The following SGCE variants were observed in gnomAD, a reference collection of about 807,000 sequenced individuals.
SGCE encodes the protein sarcoglycan epsilon, also known as epsilon-sarcoglycan.
A neutral mutation model predicts 57.8 loss-of-function variants in SGCE; 26 were observed. The observed-to-expected ratio is 0.45, with a 90% confidence interval of 0.33 to 0.62. The LOEUF (loss-of-function observed/expected upper bound fraction) is 0.62. Among genes scored for constraint, SGCE ranks in the 20% least tolerant of loss-of-function variants. The probability of loss-of-function intolerance (pLI) is 0.02; values close to 1 mark genes in which losing one functional copy is unlikely to be tolerated. For synonymous variants in SGCE, 183 were observed against 189.5 expected, an observed-to-expected ratio of 0.97 and a Z score of 0.28; for missense variants, 468 against 548.6, an observed-to-expected ratio of 0.85 and a Z score of 1.47.
chr7:94,605,220 T>C (rs1799932707), intron 5 of SGCE, among the ~76,000 whole-genome samples: 1 of 152,072 alleles, frequency 6.6e-6, no homozygotes, highest in African/African-American at 2.4e-5. Context: ...TTAAAACAAC[T>C]ATGACTAATA....
intron 9 of SGCE, chr7:94,589,475 A>T (rs1372323571): frequency 6.6e-6 from 1 of 152,420 alleles, no homozygotes; most frequent in Admixed American, 6.5e-5. Flanking sequence ...CATTGCTGTC[A>T]GAATAATCTT....
At chr7:94,585,711 TCTC>T (rs1796800961) in intron 10 of SGCE, among the ~76,000 whole-genome samples, 196 bp from the exon 11 acceptor site, 1 of 152,122 alleles carries the variant, frequency 6.6e-6, no homozygotes, top group Non-Finnish European at 1.5e-5. Flanking sequence ...AAATTAGTCT[TCTC>T]CTTCTTGGAC....
Position 94,656,130 on chromosome 7 carries a change from T to A in SGCE, c.-32A>T. On this transcript the variant is annotated 5_prime_UTR_variant, in exon 1 of 11. Coordinates refer to ENST00000648936, the MANE Select transcript of SGCE (RefSeq NM_003919.3). ...CCTGGCTAGGCCGTCCGTCCTCGAT[T>A]CTCCCCTCCCCTCCCTTTCTTCTTC... The A allele has an allele frequency of 7.9e-7, 1 of 1,272,298 alleles. No homozygotes were observed. The allele number at this position is 1,272,298 out of a possible 1,614,324, so 78.8% of individuals were successfully genotyped here.
At chr7:94,610,343 G>A (rs1358339761) in intron 5 of SGCE, among the ~76,000 whole-genome samples, 1 of 152,122 alleles carries the variant, frequency 6.6e-6, no homozygotes, top group African/African-American at 2.4e-5. Flanking sequence ...AACACCTAAT[G>A]TAAGGTAGGG....
intron 3 of SGCE, chr7:94,626,581 G>A (rs1803750858): frequency 6.6e-6 from 1 of 151,902 alleles, no homozygotes; most frequent in Non-Finnish European, 1.5e-5. Context: ...TGATCTCACA[G>A]TTCACTGCTA....
intron 1 of SGCE, among the ~76,000 whole-genome samples, chr7:94,637,391 A>G (rs958502404): frequency 6.6e-6 from 1 of 152,232 alleles, no homozygotes; most frequent in African/African-American, 2.4e-5. Flanking sequence ...AAAATAATCT[A>G]AAGGATGAGA....
chr7:94,626,840 A>T (rs931178146), intron 3 of SGCE: 4 of 152,004 alleles, frequency 2.6e-5, no homozygotes, highest in African/African-American at 9.7e-5. Flanking sequence ...AAAAACTGGC[A>T]AATTAAGGAA....
At chr7:94,596,259 C>T (rs534852493) in intron 9 of SGCE, among the ~76,000 whole-genome samples, 7 of 152,100 alleles carry the variant, frequency 4.6e-5, no homozygotes, top group Admixed American at 1.3e-4. Flanking sequence ...AGCAACATTG[C>T]AAAATTCTAA....
chr7:94,641,247 G>A (rs759057928), intron 1 of SGCE, among the ~76,000 whole-genome samples: 38 of 152,148 alleles, frequency 2.5e-4, no homozygotes, highest in Non-Finnish European at 3.8e-4. Flanking sequence ...GAAGTTACTG[G>A]TGACTCCTTG....
chr7:94,642,651 A>C (rs1747807748), intron 1 of SGCE, among the ~76,000 whole-genome samples: 1 of 152,178 alleles, frequency 6.6e-6, no homozygotes, highest in South Asian at 2.1e-4. Flanking sequence ...ATTACCTGAA[A>C]ACCCTACCCA....
At position 94,650,166 on chromosome 7, in the gene SGCE, T is replaced by C. The variant is rs561097402; in HGVS notation, c.109+5824A>G. ...CTGAAACAGACAGAAGTTAAAAACA[T>C]TTGATAAAAATATTTTATTTTGCTA... is the stretch of plus-strand genomic sequence containing the variant. On this transcript the variant is annotated intron_variant, in intron 1 of 10. Transcript: ENST00000648936. Among the ~76,000 whole-genome samples the C allele has an allele frequency of 3.9e-5, 6 of 152,298 alleles. No homozygotes were observed. In the South Asian group the frequency reaches 1.2e-3, roughly 32 times the overall value.
intron 10 of SGCE, 164 bp downstream of exon 10, chr7:94,588,525 T>C: frequency 6.9e-7 from 1 of 1,454,716 alleles, no homozygotes; most frequent in Non-Finnish European, 9.0e-7. Context: ...ATCTATGTAA[T>C]AATCTAAGCT....
At chr7:94,590,972 T>C (rs929165179) in intron 9 of SGCE, 5 of 152,268 alleles carry the variant, frequency 3.3e-5, no homozygotes, top group African/African-American at 1.2e-4. Context: ...AGTTCCACTT[T>C]AAAGATATTA....
At chr7:94,629,992 A>G in intron 1 of SGCE, 151 bp from the exon 2 acceptor site, 1 of 833,018 alleles carries the variant, frequency 1.2e-6, no homozygotes, top group South Asian at 1.8e-5. Flanking sequence ...GTTAATAACA[A>G]TTTGTTTTAA....
chr7:94,587,347 C>G, intron 10 of SGCE: 1 of 1,018,028 alleles, frequency 9.8e-7, no homozygotes, highest in African/African-American at 1.7e-5. Flanking sequence ...TTTAAATACT[C>G]AAAATAAATA....
intron 5 of SGCE, among the ~76,000 whole-genome samples, chr7:94,607,620 T>G (rs537623549): frequency 1.8e-4 from 27 of 152,240 alleles, no homozygotes; most frequent in African/African-American, 6.5e-4. Flanking sequence ...AAAAAAATTC[T>G]TAGTAAACTA....
At chr7:94,646,267 T>A (rs1361955216) in intron 1 of SGCE, among the ~76,000 whole-genome samples, 1 of 152,240 alleles carries the variant, frequency 6.6e-6, no homozygotes, top group East Asian at 1.9e-4. Context: ...AAAAGTTATG[T>A]GTGAGCAAGA....
At chr7:94,643,316 T>C (rs1001158100) in intron 1 of SGCE, among the ~76,000 whole-genome samples, 1 of 152,234 alleles carries the variant, frequency 6.6e-6, no homozygotes, top group Non-Finnish European at 1.5e-5. Flanking sequence ...GCTCATACTT[T>C]CCAGGTCCTG....
intron 9 of SGCE, among the ~76,000 whole-genome samples, chr7:94,591,049 T>C (rs1306253691): frequency 1.3e-5 from 2 of 152,162 alleles, no homozygotes; most frequent in African/African-American, 4.8e-5. Flanking sequence ...ATCCCGACGA[T>C]TATATTCGTT....
Sources: gnomAD v4.1 joint callset for allele counts (sites outside exome capture counted in the v4.1 genomes callset) on GRCh38, gnomAD v4.1.1 for gene constraint, MANE v1.5 for transcripts, NCBI Gene and HGNC (gene_info 2026-07-23, HGNC 2026-07-21) for gene names.